DPP6: variants seen among roughly 807,000 people sequenced by gnomAD.
DPP6 encodes dipeptidyl peptidase like 6.
Under a neutral mutation model 122.6 loss-of-function variants are expected in DPP6, and 69 were observed. That is an observed-to-expected ratio of 0.56 (90% confidence interval 0.46 to 0.69). The LOEUF (loss-of-function observed/expected upper bound fraction) is 0.69. DPP6 is among the 30% of genes least tolerant of loss of function. DPP6 has a pLI of 0.00. For missense variants in DPP6, 928 were observed against 1,116.9 expected (o/e 0.83, Z 2.41); for synonymous variants, 418 against 433.1 (o/e 0.97, Z 0.43).
chr7:154,277,068 G>A (rs1347251475), intron 1 of DPP6, among the ~76,000 whole-genome samples: 2 of 152,162 alleles, frequency 1.3e-5, no homozygotes, highest in African/African-American at 4.8e-5. Flanking sequence ...AGACCATGAA[G>A]AGGACACTTG....
chr7:154,580,922 C>T (rs747523372), intron 5 of DPP6, among the ~76,000 whole-genome samples: 3 of 152,178 alleles, frequency 2.0e-5, no homozygotes, highest in East Asian at 1.9e-4. Context: ...AAATTTAACA[C>T]GGGTCCCTTC....
rs375480590 is a variant in DPP6, at chr7:154,277,250, C to T, written c.244-168964C>T. Among the ~76,000 whole-genome samples the T allele has an allele frequency of 1.1e-4, 16 of 152,136 alleles. No homozygotes were observed. The East Asian group carries it at 2.3e-3, about 22-fold the overall frequency. ...TTACACATAAATTTTAGGAGTAGGT[C>T]GATCTGCAAATATTGCATCCATGAA... On this transcript the variant is annotated intron_variant, in intron 1 of 25. Transcript: ENST00000377770.
chr7:154,831,720 G>T (rs1214586542), intron 16 of DPP6, among the ~76,000 whole-genome samples: 1 of 152,190 alleles, frequency 6.6e-6, no homozygotes, highest in Admixed American at 6.5e-5. Context: ...TGACAAGAAA[G>T]CTTACAGAGA....
intron 5 of DPP6, chr7:154,587,731 C>T (rs747055137): frequency 1.3e-6 from 2 of 1,562,948 alleles, no homozygotes; most frequent in Non-Finnish European, 1.7e-6. Flanking sequence ...AGCCTGTAGC[C>T]CAGCTTGTCA....
intron 1 of DPP6, among the ~76,000 whole-genome samples, chr7:153,903,492 C>T (rs1427169677): frequency 6.6e-6 from 1 of 152,176 alleles, no homozygotes; most frequent in Non-Finnish European, 1.5e-5. Context: ...TGCCCAGGGT[C>T]ACCTAGGTAG....
At chr7:154,626,609 C>T (rs1028828293) in intron 5 of DPP6, among the ~76,000 whole-genome samples, 1 of 152,202 alleles carries the variant, frequency 6.6e-6, no homozygotes, top group African/African-American at 2.4e-5. Flanking sequence ...GTTTGAGATA[C>T]ATATTTGAAG....
intron 1 of DPP6, among the ~76,000 whole-genome samples, chr7:153,947,825 C>T (rs1395270041): frequency 6.6e-6 from 1 of 152,186 alleles, no homozygotes; most frequent in African/African-American, 2.4e-5. Flanking sequence ...GTGCCGCTCA[C>T]AGGTGGGTCC....
At chr7:154,036,012 G>GTGCA (rs1554439917) in intron 1 of DPP6, among the ~76,000 whole-genome samples, 248 of 115,680 alleles carry the variant, frequency 2.1e-3, no homozygotes, top group African/African-American at 4.3e-3. Flanking sequence ...AGGATTACGC[G>GTGCA]CGCGCGCTTG....
At chr7:154,144,730 T>C (rs530515366) in intron 1 of DPP6, among the ~76,000 whole-genome samples, 6 of 152,288 alleles carry the variant, frequency 3.9e-5, no homozygotes, top group African/African-American at 7.2e-5. Context: ...TAGGGTTACA[T>C]GATGTCATAA....
At chr7:154,667,970 A>G (rs1838270937) in intron 6 of DPP6, among the ~76,000 whole-genome samples, 1 of 150,038 alleles carries the variant, frequency 6.7e-6, no homozygotes. Flanking sequence ...ATCTGTCTTT[A>G]CTCTAAATGT....
intron 1 of DPP6, among the ~76,000 whole-genome samples, chr7:154,356,886 G>A (rs570036873): frequency 6.6e-6 from 1 of 152,196 alleles, no homozygotes; most frequent in African/African-American, 2.4e-5. Flanking sequence ...AAGGCAATTA[G>A]CGAATTTTGT....
Position 154,889,481 on chromosome 7 carries a change from C to T in DPP6, c.2402C>T (p.Ala801Val), listed in dbSNP as rs1034996401. 1 of 1,600,886 alleles carries T rather than the reference C, an allele frequency of 6.2e-7. No homozygotes were observed. Among genetic ancestry groups the T allele is most frequent in the Non-Finnish European group, 8.5e-7 (1 of 1,175,334 alleles). The change falls in exon 25 of 26, where the codon GCA becomes GTA. Residue 801 changes from alanine (A) to valine (V), a missense_variant. Ala to Val is a moderately conservative substitution (Grantham distance 64). Coordinates refer to ENST00000377770, the MANE Select transcript of DPP6 (RefSeq NM_130797.4). ...GAAAAAATTCATTTCCAGCACACAGCAGAACTCATTACACAACTAATTAGG... is the reference window on the plus strand; with the variant it reads ...GAAAAAATTCATTTCCAGCACACAGTAGAACTCATTACACAACTAATTAGG... Reference protein sequence around the residue: ...ADEKIHFQHTAELITQLIRGK... With the variant: ...ADEKIHFQHTVELITQLIRGK...
At chr7:154,356,981 G>A (rs1196060595) in intron 1 of DPP6, among the ~76,000 whole-genome samples, 2 of 152,096 alleles carry the variant, frequency 1.3e-5, no homozygotes, top group East Asian at 3.9e-4. Flanking sequence ...TTGAATTTTG[G>A]GGGTTTAAAA....
At position 154,464,354 on chromosome 7, in the gene DPP6, C is replaced by A. The variant is rs116642077; in HGVS notation, c.359-10585C>A. The stretch of plus-strand genomic sequence containing the variant: ...TGAGGAAGGGGAAACTCAAGACTGT[C>A]TTTCCCACTCTCTTCAGTGCTACTT... On this transcript the variant is annotated intron_variant, in intron 2 of 25. Coordinates refer to ENST00000377770, the MANE Select transcript of DPP6 (RefSeq NM_130797.4). Among the ~76,000 whole-genome samples the A allele has an allele frequency of 4.6e-3, 701 of 152,340 alleles. 2 individuals are homozygous for A. The highest frequency in any genetic ancestry group is 0.016 in the African/African-American group (668 of 41,580).
At chr7:154,142,270 G>A (rs536290005) in intron 1 of DPP6, among the ~76,000 whole-genome samples, 45 of 152,074 alleles carry the variant, frequency 3.0e-4, no homozygotes, top group African/African-American at 1.1e-3. Context: ...AACACAACGT[G>A]CCAAATATTG....
intron 17 of DPP6, among the ~76,000 whole-genome samples, chr7:154,864,035 A>T (rs760763737): frequency 2.0e-5 from 3 of 152,146 alleles, no homozygotes; most frequent in Non-Finnish European, 2.9e-5. Flanking sequence ...GAGTGAGCAG[A>T]AATACAGCAG....
intron 1 of DPP6, among the ~76,000 whole-genome samples, chr7:154,283,218 A>T (rs1246877659): frequency 6.6e-6 from 1 of 152,110 alleles, no homozygotes; most frequent in African/African-American, 2.4e-5. Flanking sequence ...GACAGAAGCG[A>T]GTAGAGGCTG....
At chr7:153,913,808 C>T (rs1304164938) in intron 1 of DPP6, among the ~76,000 whole-genome samples, 1 of 152,144 alleles carries the variant, frequency 6.6e-6, no homozygotes, top group Non-Finnish European at 1.5e-5. Context: ...TGTACGTCTC[C>T]ATCTGAGTAA....
At chr7:154,577,096 A>G (rs1325555552) in intron 5 of DPP6, among the ~76,000 whole-genome samples, 3 of 152,104 alleles carry the variant, frequency 2.0e-5, no homozygotes, top group Non-Finnish European at 2.9e-5. Flanking sequence ...AAGGGCTGAC[A>G]GGTTTGAACA....
Sources: gnomAD v4.1 joint callset for allele counts (sites outside exome capture counted in the v4.1 genomes callset) on GRCh38, gnomAD v4.1.1 for gene constraint, MANE v1.5 for transcripts, NCBI Gene and HGNC (gene_info 2026-07-23, HGNC 2026-07-21) for gene names.